CEBPZ: variants seen among roughly 807,000 people sequenced by gnomAD.
CEBPZ encodes CCAAT/enhancer-binding protein zeta.
CEBPZ carries 78 observed loss-of-function variants against 104.5 expected under a neutral mutation model. That is an observed-to-expected ratio of 0.75 (90% CI 0.62 to 0.90). The LOEUF (loss-of-function observed/expected upper bound fraction) is 0.90, where lower values mean the gene tolerates loss of function less well. CEBPZ is among the 40% of genes least tolerant of loss of function. The pLI is 0.00. For synonymous variants in CEBPZ, 470 were observed against 427.0 expected, an observed-to-expected ratio of 1.10 and a Z score of -1.24; for missense variants, 1,439 against 1,233.5, an observed-to-expected ratio of 1.17 and a Z score of -2.50.
intron 13 of CEBPZ, chr2:37,203,224 G>A: frequency 3.0e-6 from 1 of 334,546 alleles, no homozygotes; most frequent in Non-Finnish European, 5.4e-6. Context: ...CTGTTCAGAT[G>A]ACAAGAGTGT....
At chr2:37,216,944 T>C (rs1470670226) in intron 6 of CEBPZ, 40 bp downstream of exon 6, 2 of 1,510,794 alleles carry the variant, frequency 1.3e-6, no homozygotes, top group Admixed American at 3.5e-5. Context: ...AATGATACTT[T>C]TTTTCTTATT....
Position 37,216,333 on chromosome 2 carries a change from T to A in CEBPZ, c.2294A>T (p.Lys765Met). 6.2e-7 allele frequency: 1 copy of A among 1,613,752 alleles called. No homozygotes were observed. The highest frequency in any genetic ancestry group is 8.5e-7 in the Non-Finnish European group (1 of 1,179,838). Residue 765 changes from lysine to methionine, a missense_variant, in exon 7 of 16, where the codon AAG becomes ATG. Transcript: ENST00000234170. ...AAGCATACCTTTGCCTTTATGGGGC[T>A]TTGGATTTCGGTATACAAATCGATC... ...FLDRFVYRNPKPHKGKENTDS... is the reference protein window; with the variant it reads ...FLDRFVYRNPMPHKGKENTDS...
At chr2:37,202,184 A>C in intron 15 of CEBPZ, 1 of 248,946 alleles carries the variant, frequency 4.0e-6, no homozygotes, top group Non-Finnish European at 7.5e-6. Context: ...AGTAACAATC[A>C]ATATGTAAAA....
rs111883842 is a variant in CEBPZ at position 37,222,266 on chromosome 2, A to G, written c.2065+114T>C. 4.5e-3 allele frequency: 4,066 copies of G among 911,588 alleles called. 132 individuals carry two copies. In the African/African-American group the frequency reaches 0.063, roughly 14 times the overall value. 56.5% of individuals were successfully genotyped at this position (911,588 alleles called of 1,614,324 possible). A position where few individuals can be genotyped will look rare whatever the true frequency, so the allele number is the denominator to read the frequency against. On this transcript the variant is annotated intron_variant, in intron 4 of 15. Transcript: ENST00000234170. ...GCCTCTGCATTCCAGCCTGGGCAAC[A>G]GAGTGAGACTCTGTCTAAATAAATA...
chr2:37,211,835 ATGCTTACC>A lies in CEBPZ; in HGVS notation c.2800_2800+7del. On this transcript the variant is annotated splice_donor_variant and splice_donor_5th_base_variant and coding_sequence_variant and intron_variant, in exon 12 of 16. Transcript: ENST00000234170. LOFTEE classifies it high-confidence loss of function. ...CACAGTTTATGTCTTATTTTAAAAAATGCTTACCTGGAACGCTCTCACTTTCATCATCT... is the reference window on the plus strand; with the variant it reads ...CACAGTTTATGTCTTATTTTAAAAAATGGAACGCTCTCACTTTCATCATCT... The A allele has an allele frequency of 6.4e-7, 1 of 1,570,986 alleles. No individual in the cohort carries two copies. Among genetic ancestry groups the A allele is most frequent in the Non-Finnish European group, 8.6e-7 (1 of 1,162,452 alleles).
chr2:37,203,163 T>C, intron 13 of CEBPZ, 155 bp from the exon 14 acceptor site: 2 of 511,650 alleles, frequency 3.9e-6, no homozygotes, highest in Non-Finnish European at 6.9e-6. Flanking sequence ...TAAATATAAT[T>C]TAAGAGTTAG....
At chr2:37,218,288 A>G (rs1664686479) in intron 5 of CEBPZ, among the ~76,000 whole-genome samples, 3 of 152,226 alleles carry the variant, frequency 2.0e-5, no homozygotes, top group Middle Eastern at 3.4e-3. Context: ...GAAAAAAGAA[A>G]AAAAGAAAAA....
intron 13 of CEBPZ, among the ~76,000 whole-genome samples, chr2:37,205,538 C>G (rs1677507049): frequency 2.0e-5 from 3 of 150,594 alleles, no homozygotes; most frequent in African/African-American, 5.0e-5. Flanking sequence ...TTCACTGACT[C>G]TCTTTTCGGA....
intron 13 of CEBPZ, chr2:37,210,369 C>T (rs531056420): frequency 6.6e-6 from 1 of 152,088 alleles, no homozygotes; most frequent in Non-Finnish European, 1.5e-5. Flanking sequence ...ATGGAACCAA[C>T]CTAAATGCCC....
rs1664811650 is a variant in CEBPZ, at chr2:37,223,326, T to C, written c.1725A>G (p.Lys575=). 1 of 1,614,158 alleles carries C rather than the reference T, an allele frequency of 6.2e-7. No individual in the cohort carries two copies. The highest frequency in any genetic ancestry group is 8.5e-7 in the Non-Finnish European group (1 of 1,180,018). ...MFLNLVYKSL[K]ADIVLRRVKA... is the part of the protein sequence containing the mutation. ...TCACCCGGCGCAACACAATGTCAGC[T>C]TTCAGAGATTTGTAGACAAGGTTAA... The change falls in exon 3 of 16, where the codon AAA becomes AAG. Residue 575 remains lysine, a synonymous_variant. Coordinates refer to ENST00000234170, the MANE Select transcript of CEBPZ (RefSeq NM_005760.3).
chr2:37,227,931 G>C lies in CEBPZ; in HGVS notation c.1262C>G (p.Ser421Cys), dbSNP rs1418725374. The change falls in exon 2 of 16, where the codon TCT becomes TGT. Residue 421 changes from serine (S) to cysteine (C), a missense_variant. Transcript: ENST00000234170. ...CKHPNMKGVV[S>C]GEVERLLFRS... is the part of the protein sequence containing the mutation. Reference sequence around the variant, plus strand: ...GAAGAGTAGCCTTTCTACTTCACCAGACACAACTCCTTTCATATTGGGATG... The same window carrying C: ...GAAGAGTAGCCTTTCTACTTCACCACACACAACTCCTTTCATATTGGGATG... The C allele has an allele frequency of 6.2e-7, 1 of 1,614,054 alleles. No individual in the cohort carries two copies. Among genetic ancestry groups the C allele is most frequent in the African/African-American group, 1.3e-5 (1 of 74,930 alleles).
intron 2 of CEBPZ, among the ~76,000 whole-genome samples, chr2:37,226,637 A>G (rs1456948750): frequency 6.6e-6 from 1 of 152,230 alleles, no homozygotes; most frequent in Non-Finnish European, 1.5e-5. Flanking sequence ...TAATTTGCCC[A>G]AAATTACACA....
Position 37,227,749 on chromosome 2 carries a change from T to G in CEBPZ, c.1444A>C (p.Met482Leu), listed in dbSNP as rs548423917. The change falls in exon 2 of 16, where the codon ATG becomes CTG. Residue 482 changes from methionine (M) to leucine (L), a missense_variant. Met to Leu is a conservative substitution (Grantham distance 15). Coordinates refer to ENST00000234170, the MANE Select transcript of CEBPZ (RefSeq NM_005760.3). ...ACACCTGTTAAAAGGGCGCTAAGCA[T>G]TTTTGATTCAACATCTTTTTTTTTG... ...CVKKKDVESK[M>L]LSALLTGVNR... is the part of the protein sequence containing the mutation. 6.2e-7 allele frequency: 1 copy of G among 1,613,932 alleles called. No individual in the cohort carries two copies. Among genetic ancestry groups the G allele is most frequent in the East Asian group, 2.2e-5 (1 of 44,886 alleles).
chr2:37,211,075 T>A lies in CEBPZ; in HGVS notation c.2808A>T (p.Glu936Asp). The change falls in exon 13 of 16, where the codon GAA becomes GAT. Residue 936 changes from glutamate to aspartate, a missense_variant. Coordinates refer to ENST00000234170, the MANE Select transcript of CEBPZ (RefSeq NM_005760.3). The stretch of plus-strand genomic sequence containing the variant: ...TCTTAGTACTGACTTTGGAGTGGAC[T>A]TCAAGTTCTGTTACACGAAAAAATT... Reference protein sequence around the residue: ...DDESESVPELEVHSKVSTKKS... With the variant: ...DDESESVPELDVHSKVSTKKS... 6.2e-7 allele frequency: 1 copy of A among 1,605,328 alleles called. No individual in the cohort carries two copies. Among genetic ancestry groups the A allele is most frequent in the African/African-American group, 1.3e-5 (1 of 74,630 alleles).
In CEBPZ at chr2:37,228,600, G is replaced by A. The variant is rs747679706; in HGVS notation, c.593C>T (p.Pro198Leu). 5 of 1,614,160 alleles carry A rather than the reference G, an allele frequency of 3.1e-6. No homozygotes were observed. Among genetic ancestry groups the A allele is most frequent in the Admixed American group, 1.7e-5 (1 of 60,018 alleles). ...TTTGTACTTAGATACAACATCCTGAGGCTGGGGTTTCAAAGAATATTCATT... is the reference window on the plus strand; with the variant it reads ...TTTGTACTTAGATACAACATCCTGAAGCTGGGGTTTCAAAGAATATTCATT... ...YSNEYSLKPQ[P>L]QDVVSKYKTL... is the part of the protein sequence containing the mutation. Residue 198 changes from proline (P) to leucine (L), a missense_variant, in exon 2 of 16, where the codon CCT becomes CTT. Pro to Leu is a moderately conservative substitution (Grantham distance 98). Coordinates refer to ENST00000234170, the MANE Select transcript of CEBPZ (RefSeq NM_005760.3).
In CEBPZ at chr2:37,211,055, G is replaced by C. The variant is rs1677706054; in HGVS notation, c.2828C>G (p.Thr943Ser). 3 of 1,611,290 alleles carry C rather than the reference G, an allele frequency of 1.9e-6. No homozygotes were observed. Among genetic ancestry groups the C allele is most frequent in the Non-Finnish European group, 2.5e-6 (3 of 1,179,122 alleles). Residue 943 changes from threonine to serine, a missense_variant, in exon 13 of 16, where the codon ACT becomes AGT. Physicochemically the swap from Thr to Ser is moderately conservative, Grantham distance 58. Coordinates refer to ENST00000234170, the MANE Select transcript of CEBPZ (RefSeq NM_005760.3). ...TGTACCTTTTCTCTTGCTTTTCTTA[G>C]TACTGACTTTGGAGTGGACTTCAAG... is the stretch of plus-strand genomic sequence containing the variant. ...PELEVHSKVS[T>S]KKSKRKGTDD...
chr2:37,216,101 T>C (rs1158669453), intron 8 of CEBPZ, 39 bp downstream of exon 8: 4 of 1,426,236 alleles, frequency 2.8e-6, no homozygotes, highest in African/African-American at 1.4e-5. Context: ...TTGTCTTATA[T>C]TGTCTTTTCA....
rs547131402 is a variant in CEBPZ at position 37,229,297 on chromosome 2, C to T, written c.157-261G>A. On this transcript the variant is annotated intron_variant, in intron 1 of 15. Transcript: ENST00000234170. Reference sequence around the variant, plus strand: ...TAAATTATAAACTGGAAAAAAAATACAAGCAATTCCTATCAAAGTAATTGG... The same window carrying T: ...TAAATTATAAACTGGAAAAAAAATATAAGCAATTCCTATCAAAGTAATTGG... Among the ~76,000 whole-genome samples the T allele has an allele frequency of 4.5e-4, 68 of 152,056 alleles. No individual in the cohort carries two copies. The South Asian group carries it at 0.014, about 31-fold the overall frequency.
chr2:37,227,226 C>A (rs1356544300), intron 2 of CEBPZ, among the ~76,000 whole-genome samples: 3 of 152,138 alleles, frequency 2.0e-5, no homozygotes, highest in African/African-American at 7.2e-5. Flanking sequence ...TCTTTAATAT[C>A]CCAAAAGATT....
Sources: gnomAD v4.1 joint callset for allele counts (sites outside exome capture counted in the v4.1 genomes callset) on GRCh38, gnomAD v4.1.1 for gene constraint, MANE v1.5 for transcripts, NCBI Gene and HGNC (gene_info 2026-07-23, HGNC 2026-07-21) for gene names.